KIAA1217: variants seen among roughly 807,000 people sequenced by gnomAD.
The protein encoded by KIAA1217 is sickle tail protein homolog.
A neutral mutation model predicts 163.9 loss-of-function variants in KIAA1217; 88 were observed. The ratio of observed to expected loss-of-function variants is 0.54; its 90% confidence interval spans 0.45 to 0.64. KIAA1217 has a LOEUF of 0.64. KIAA1217 is among the 30% of genes least tolerant of loss of function. The pLI, the probability that KIAA1217 is intolerant of heterozygous loss-of-function variation, is 0.00. For synonymous variants in KIAA1217, 903 were observed against 923.1 expected, an observed-to-expected ratio of 0.98 and a Z score of 0.39; for missense variants, 2,372 against 2,475.0, an observed-to-expected ratio of 0.96 and a Z score of 0.88.
intron 2 of KIAA1217, among the ~76,000 whole-genome samples, chr10:24,051,667 G>C (rs1262507672): frequency 2.0e-5 from 3 of 152,080 alleles, no homozygotes; most frequent in Admixed American, 2.0e-4. Context: ...GAGTAAGGTG[G>C]TTTCTCATTG....
intron 2 of KIAA1217, among the ~76,000 whole-genome samples, chr10:24,138,257 G>A (rs945623407): frequency 5.3e-5 from 8 of 152,074 alleles, no homozygotes; most frequent in African/African-American, 1.2e-4. Flanking sequence ...AGGCTCAAGC[G>A]ATCCCCCTTA....
intron 2 of KIAA1217, among the ~76,000 whole-genome samples, chr10:24,069,034 A>G (rs151122765): frequency 4.9e-4 from 75 of 152,312 alleles, no homozygotes; most frequent in African/African-American, 1.6e-3. Flanking sequence ...TTTGACACAC[A>G]ATCCAACTGC....
intron 1 of KIAA1217, among the ~76,000 whole-genome samples, chr10:23,831,519 G>A (rs929520113): frequency 2.0e-5 from 3 of 152,136 alleles, no homozygotes; most frequent in Admixed American, 1.3e-4. Flanking sequence ...ACATACAACA[G>A]GGATTTCCTT....
intron 10 of KIAA1217, among the ~76,000 whole-genome samples, chr10:24,514,051 G>T (rs965586122): frequency 6.6e-6 from 1 of 152,138 alleles, no homozygotes; most frequent in African/African-American, 2.4e-5. Context: ...TAGCTGTTAT[G>T]AATGTTATTT....
chr10:24,030,426 G>A (rs1564621713), intron 2 of KIAA1217, among the ~76,000 whole-genome samples: 2 of 152,204 alleles, frequency 1.3e-5, no homozygotes, highest in Admixed American at 1.3e-4. Context: ...CTGCCAACAC[G>A]TAAGAAGTGC....
chr10:23,746,371 A>G (rs993973573), intron 1 of KIAA1217, among the ~76,000 whole-genome samples: 2 of 152,106 alleles, frequency 1.3e-5, no homozygotes, highest in Non-Finnish European at 2.9e-5. Context: ...CCGTGAGCCA[A>G]ATTAACCCCT....
At chr10:24,532,405 T>C (rs191010068) in intron 15 of KIAA1217, among the ~76,000 whole-genome samples, 3 of 152,226 alleles carry the variant, frequency 2.0e-5, no homozygotes, top group Non-Finnish European at 2.9e-5. Flanking sequence ...TTAGCTTTCA[T>C]GTTAAATGTA....
intron 6 of KIAA1217, among the ~76,000 whole-genome samples, chr10:24,478,908 G>A (rs985036721): frequency 1.3e-5 from 2 of 152,204 alleles, no homozygotes; most frequent in Admixed American, 6.5e-5. Flanking sequence ...ATCGCAAAGT[G>A]ACTACCTTGC....
chr10:24,232,935 CAAAAAAAAAAA>C (rs908492411), intron 2 of KIAA1217, among the ~76,000 whole-genome samples: 24 of 56,308 alleles, frequency 4.3e-4, no homozygotes, highest in African/African-American at 8.1e-4. Context: ...CTTATCTCTA[CAAAAAAAAAAA>C]AAAAAAAAAA....
intron 1 of KIAA1217, among the ~76,000 whole-genome samples, chr10:23,901,109 T>G (rs1841936502): frequency 6.6e-6 from 1 of 152,104 alleles, no homozygotes; most frequent in Admixed American, 6.6e-5. Flanking sequence ...TTACTTCATG[T>G]CAGACATAAA....
In KIAA1217 at chr10:24,215,212, C is replaced by T. The variant is rs575571258; in HGVS notation, c.71-4414C>T. On this transcript the variant is annotated intron_variant, in intron 1 of 20. Transcript: ENST00000376454. The stretch of plus-strand genomic sequence containing the variant: ...CAGGGAATGTTCCAGGGATTTTGCT[C>T]GGCTTTAAGCTCCTATGTTGCTCTT... 5.9e-5 allele frequency among the ~76,000 whole-genome samples: 9 copies of T among 152,272 alleles called. No homozygotes were observed. The South Asian group carries it at 1.7e-3, about 28-fold the overall frequency.
intron 2 of KIAA1217, among the ~76,000 whole-genome samples, chr10:24,155,590 G>T (rs1458966487): frequency 6.6e-6 from 1 of 152,140 alleles, no homozygotes; most frequent in Non-Finnish European, 1.5e-5. Context: ...GGAGGCCGAG[G>T]TGGGCGGATC....
chr10:24,089,810 A>G lies in KIAA1217; in HGVS notation c.-171+82436A>G, dbSNP rs530969925. Among the ~76,000 whole-genome samples, 33 of 152,058 alleles carry G rather than the reference A, an allele frequency of 2.2e-4. 2 individuals are homozygous for G. The highest frequency in any genetic ancestry group is 8.0e-4 in the African/African-American group (33 of 41,282). ...ATAAAAGAGGATACAAACAAATGGAAGAACATTCCATGCTCATGGATAGGA... is the reference window on the plus strand; with the variant it reads ...ATAAAAGAGGATACAAACAAATGGAGGAACATTCCATGCTCATGGATAGGA... On this transcript the variant is annotated intron_variant, in intron 2 of 18. Coordinates refer to the KIAA1217 transcript ENST00000376462.
intron 1 of KIAA1217, among the ~76,000 whole-genome samples, chr10:23,940,888 CTCTT>C (rs2131334707): frequency 6.6e-6 from 1 of 152,320 alleles, no homozygotes; most frequent in African/African-American, 2.4e-5. Flanking sequence ...ATTTTACAAA[CTCTT>C]TCTGACTACT....
chr10:23,713,463 T>C (rs943037322), intron 1 of KIAA1217, among the ~76,000 whole-genome samples: 1 of 152,174 alleles, frequency 6.6e-6, no homozygotes, highest in Admixed American at 6.5e-5. Context: ...TAAAAATGCA[T>C]GTTAGAAAAT....
chr10:24,436,733 G>C (rs1435153710), intron 4 of KIAA1217, among the ~76,000 whole-genome samples: 1 of 136,810 alleles, frequency 7.3e-6, no homozygotes, highest in Non-Finnish European at 1.5e-5. Flanking sequence ...ACTCCAGCCT[G>C]GGCGACAGAG....
At chr10:24,218,702 G>T (rs1010053610) in intron 1 of KIAA1217, among the ~76,000 whole-genome samples, 16 of 152,022 alleles carry the variant, frequency 1.1e-4, no homozygotes, top group African/African-American at 3.1e-4. Flanking sequence ...TGTTAGCCAG[G>T]ATGGTCTCGA....
At chr10:24,485,181 A>G (rs1317212964) in intron 6 of KIAA1217, among the ~76,000 whole-genome samples, 1 of 151,780 alleles carries the variant, frequency 6.6e-6, no homozygotes, top group Admixed American at 6.6e-5. Context: ...CCAACCAGAA[A>G]CTTATGTAAT....
At chr10:23,938,423 A>G (rs7076383) in intron 1 of KIAA1217, among the ~76,000 whole-genome samples, 5,982 of 152,270 alleles carry the variant, frequency 0.039, 382 homozygotes, top group African/African-American at 0.14. Context: ...GTAAGTATGT[A>G]TATACACCGA....
Sources: allele counts gnomAD v4.1 joint callset (sites outside exome capture counted in the v4.1 genomes callset), GRCh38; gene constraint gnomAD v4.1.1; transcripts MANE v1.5; gene names NCBI Gene and HGNC (gene_info 2026-07-23, HGNC 2026-07-21).